The following MORN1 variants were observed in gnomAD, a reference collection of about 807,000 sequenced individuals.
MORN1 encodes MORN repeat-containing protein 1.
In MORN1, 67 loss-of-function variants were observed where a neutral mutation model predicts 61.9. That is an observed-to-expected ratio of 1.08 (90% CI 0.89 to 1.33). The LOEUF (loss-of-function observed/expected upper bound fraction) is 1.33. MORN1 is among the 40% of genes most tolerant of loss of function. The pLI is 0.00. For missense variants in MORN1, 752 were observed against 691.2 expected (o/e 1.09, Z -0.99); for synonymous variants, 301 against 292.0 (o/e 1.03, Z -0.31).
intron 8 of MORN1, among the ~76,000 whole-genome samples, chr1:2,362,576 G>C (rs909169561): frequency 6.6e-6 from 1 of 152,212 alleles, no homozygotes; most frequent in Non-Finnish European, 1.5e-5. Flanking sequence ...ACACATGGGA[G>C]AGGCTGTGCC....
intron 12 of MORN1, among the ~76,000 whole-genome samples, chr1:2,327,252 A>ACAGAAACACAGAAACACACAGAAACACT (rs1230467309): frequency 2.6e-5 from 4 of 151,808 alleles, no homozygotes; most frequent in African/African-American, 9.7e-5. Flanking sequence ...ACAGAAACAC[A>ACAGAAACACAGAAACACACAGAAACACT]CAGAAACACA....
At chr1:2,354,365 G>A (rs1569978283) in intron 10 of MORN1, among the ~76,000 whole-genome samples, 1 of 152,080 alleles carries the variant, frequency 6.6e-6, no homozygotes, top group South Asian at 2.1e-4. Context: ...AGGAGTTTGA[G>A]ACCAGCCTGG....
intron 12 of MORN1, among the ~76,000 whole-genome samples, chr1:2,330,224 C>T (rs543453756): frequency 2.6e-5 from 4 of 152,334 alleles, no homozygotes; most frequent in South Asian, 4.1e-4. Flanking sequence ...GCTCAGAGAA[C>T]GGACACATTG....
intron 6 of MORN1, among the ~76,000 whole-genome samples, chr1:2,384,492 C>A (rs988707240): frequency 3.9e-5 from 6 of 152,222 alleles, no homozygotes; most frequent in Non-Finnish European, 8.8e-5. Context: ...AGGAGAAGCT[C>A]CCTTTTGTAA....
chr1:2,343,394 G>A (rs967814705), intron 10 of MORN1, among the ~76,000 whole-genome samples: 8 of 152,222 alleles, frequency 5.3e-5, no homozygotes, highest in African/African-American at 7.2e-5. Context: ...TGGGGATGAC[G>A]CTGCGGGGCA....
At position 2,374,553 on chromosome 1, in the gene MORN1, T is replaced by C. The variant is rs1642193610; in HGVS notation, c.542A>G (p.Gln181Arg). The change falls in exon 7 of 14, where the codon CAG becomes CGG. Residue 181 changes from glutamine (Q) to arginine (R), a missense_variant. Gln to Arg is a conservative substitution (Grantham distance 43). Coordinates refer to ENST00000378531, the MANE Select transcript of MORN1 (RefSeq NM_024848.3). ...TCCACTGAAGACGTCGCTGTGCCAC[T>C]GTCCCTGCAGAGAGAAGGGTGAGGC... ...RCADGSTYKG[Q>R]WHSDVFSGLG... 6.3e-7 allele frequency: 1 copy of C among 1,588,126 alleles called. No homozygotes were observed. The highest frequency in any genetic ancestry group is 2.3e-5 in the East Asian group (1 of 44,026).
chr1:2,332,444 G>T, intron 12 of MORN1: 1 of 360,910 alleles, frequency 2.8e-6, no homozygotes, highest in Non-Finnish European at 5.5e-6. Flanking sequence ...AGTGGGATGG[G>T]CGACCCCTGG....
chr1:2,348,557 C>T (rs1395622071), intron 10 of MORN1, among the ~76,000 whole-genome samples: 3 of 152,200 alleles, frequency 2.0e-5, no homozygotes, highest in Admixed American at 6.5e-5. Context: ...CCGCTGCCCA[C>T]GGGCCCTGCC....
At position 2,357,013 on chromosome 1, in the gene MORN1, G is replaced by A. The variant is rs1280950335; in HGVS notation, c.1036+419C>T. Among the ~76,000 whole-genome samples the A allele has an allele frequency of 6.6e-6, 1 of 152,134 alleles. No individual in the cohort carries two copies. Among genetic ancestry groups the A allele is most frequent in the African/African-American group, 2.4e-5 (1 of 41,430 alleles). On this transcript the variant is annotated intron_variant, in intron 10 of 13. Transcript: ENST00000378531. This position sits in a 1 kb window ranked among gnomAD's most constrained non-coding sequence, Gnocchi z 6.3. ...CGGAGCAGCGGGAAACCCTGACCTC[G>A]AGAGAGCAGTCGGCGCCGCGGCCCC...
At chr1:2,378,641 T>C (rs1393894406) in intron 6 of MORN1, 1 of 298,222 alleles carries the variant, frequency 3.4e-6, no homozygotes, top group Admixed American at 4.6e-5. Flanking sequence ...CAGCCAGGGA[T>C]GCCCGGAGGG....
intron 6 of MORN1, among the ~76,000 whole-genome samples, chr1:2,381,436 G>A (rs1290096270): frequency 1.3e-5 from 2 of 152,186 alleles, no homozygotes; most frequent in Non-Finnish European, 2.9e-5. Context: ...ACACTGCCCA[G>A]AGCACCCCGT....
chr1:2,385,779 A>T, intron 5 of MORN1, 28 bp downstream of exon 5: 1 of 1,600,966 alleles, frequency 6.2e-7, no homozygotes, highest in Non-Finnish European at 8.6e-7. Flanking sequence ...GTCATGCGCC[A>T]GGCAGTACCC....
At chr1:2,374,424 G>A in intron 7 of MORN1, 37 bp downstream of exon 7, 1 of 1,531,212 alleles carries the variant, frequency 6.5e-7, no homozygotes, top group Non-Finnish European at 8.9e-7. Context: ...CCCCACAGTG[G>A]ACCTCACAGT....
At chr1:2,371,482 C>T (rs1010631716) in intron 8 of MORN1, 3 of 152,260 alleles carry the variant, frequency 2.0e-5, no homozygotes, top group Admixed American at 6.5e-5. Flanking sequence ...GCTATCACTT[C>T]ACACCCACAG....
chr1:2,323,593 C>T, intron 13 of MORN1: 9 of 985,338 alleles, frequency 9.1e-6, no homozygotes, highest in Non-Finnish European at 1.1e-5. Context: ...GGCCCCACGG[C>T]TGAGGGTCTG....
chr1:2,324,166 C>T (rs757344427), intron 12 of MORN1, 23 bp from the exon 13 acceptor site: 14 of 1,586,192 alleles, frequency 8.8e-6, no homozygotes, highest in Admixed American at 5.4e-5. Flanking sequence ...CACAGTGAGG[C>T]CCCTGAATGC....
chr1:2,332,417 C>T, intron 12 of MORN1: 1 of 356,284 alleles, frequency 2.8e-6, no homozygotes, highest in Non-Finnish European at 5.6e-6. Context: ...GTCCTTGGTC[C>T]ACACTCAGGT....
In MORN1 at chr1:2,372,350, C is replaced by T. The variant is rs778277887; in HGVS notation, c.745+131G>A. The T allele has an allele frequency of 1.3e-4, 88 of 693,674 alleles. No homozygotes were observed. The highest frequency in any genetic ancestry group is 2.0e-4 in the Non-Finnish European group (83 of 414,556). 43.0% of individuals were successfully genotyped at this position (693,674 alleles called of 1,614,324 possible). ...GCACACCTGCGACCTCTCTGCCAGG[C>T]TCTGGGCACGAAGTCACTGCTGTGC... is the stretch of plus-strand genomic sequence containing the variant. On this transcript the variant is annotated intron_variant, in intron 8 of 13. Transcript: ENST00000378531. This position sits in a 1 kb window ranked among gnomAD's most constrained non-coding sequence, Gnocchi z 5.4.
chr1:2,387,050 T>G, intron 4 of MORN1: 1 of 244,038 alleles, frequency 4.1e-6, no homozygotes, highest in Non-Finnish European at 8.2e-6. Context: ...ACTATAGCCA[T>G]TTAGTGACCC....
Sources: gnomAD v4.1 joint callset for allele counts (sites outside exome capture counted in the v4.1 genomes callset) on GRCh38, gnomAD v4.1.1 for gene constraint, Gnocchi (gnomAD v3.1) non-coding constraint, MANE v1.5 for transcripts, NCBI Gene and HGNC (gene_info 2026-07-23, HGNC 2026-07-21) for gene names.